TLK2: variants seen among roughly 807,000 people sequenced by gnomAD.
TLK2 encodes serine/threonine-protein kinase tousled-like 2.
Under a neutral mutation model 117.3 loss-of-function variants are expected in TLK2, and 6 were observed. That is an observed-to-expected ratio of 0.05 (90% CI 0.03 to 0.10). TLK2 has a LOEUF of 0.10. TLK2 is among the 10% of genes least tolerant of loss of function. TLK2 has a pLI of 1.00. For missense variants in TLK2, 299 were observed against 901.2 expected (o/e 0.33, Z 8.56); for synonymous variants, 257 against 316.7 (o/e 0.81, Z 2.00).
At chr17:62,474,240 G>A (rs1205762051), upstream of TLK2, among the ~76,000 whole-genome samples, 1 of 151,214 alleles carries the variant, frequency 6.6e-6, no homozygotes, top group Non-Finnish European at 1.5e-5. Flanking sequence ...TGCCTTGCCC[G>A]GCTAATTTTT....
At chr17:62,509,029 A>T (rs2074943658) in intron 2 of TLK2, among the ~76,000 whole-genome samples, 1 of 152,240 alleles carries the variant, frequency 6.6e-6, no homozygotes, top group South Asian at 2.1e-4. Context: ...TGAGGCGATT[A>T]TAAAACTACT....
intron 3 of TLK2, 121 bp from the exon 4 acceptor site, chr17:62,522,083 C>T: frequency 9.9e-7 from 1 of 1,005,026 alleles, no homozygotes. Flanking sequence ...GACAGTGATT[C>T]AGGACTTGTC....
Position 62,578,545 on chromosome 17 carries a change from A to G in TLK2, c.1257A>G (p.Leu419=), listed in dbSNP as rs1457324291. ...ERVRNLHIRE[L]KRIHNEDNSQ... is the part of the protein sequence containing the mutation. ...TTAGAAATCTACATATCAGGGAACT[A>G]AAAAGGATACATAATGAAGATAATT... Residue 419 remains leucine (L), a synonymous_variant, in exon 14 of 22, where the codon CTA becomes CTG. Transcript: ENST00000346027. 1 of 1,613,690 alleles carries G rather than the reference A, an allele frequency of 6.2e-7. No individual in the cohort carries two copies. Among genetic ancestry groups the G allele is most frequent in the South Asian group, 1.1e-5 (1 of 91,082 alleles).
chr17:62,593,896 G>A (rs1239603540), intron 16 of TLK2, among the ~76,000 whole-genome samples: 6 of 150,260 alleles, frequency 4.0e-5, no homozygotes, highest in Non-Finnish European at 7.4e-5. Context: ...GGGTTCAAGC[G>A]TCTCTCCTGC....
chr17:62,478,339 G>A (rs1211471024), upstream of TLK2, among the ~76,000 whole-genome samples: 1 of 151,328 alleles, frequency 6.6e-6, no homozygotes, highest in Admixed American at 6.6e-5. Context: ...GGGGTTGGGC[G>A]GGCGCGGGGG....
chr17:62,529,249 T>A (rs1164450888), intron 6 of TLK2, among the ~76,000 whole-genome samples: 1 of 152,224 alleles, frequency 6.6e-6, no homozygotes, highest in Non-Finnish European at 1.5e-5. Flanking sequence ...TTTTAATTTT[T>A]ATTTTTGAGA....
intron 2 of TLK2, among the ~76,000 whole-genome samples, chr17:62,501,024 G>T (rs1380290178): frequency 6.6e-6 from 1 of 151,802 alleles, no homozygotes; most frequent in Non-Finnish European, 1.5e-5. Context: ...GGATCACGAG[G>T]TCAGGAGATC....
intron 15 of TLK2, among the ~76,000 whole-genome samples, chr17:62,583,267 G>C (rs530698775): frequency 6.6e-6 from 1 of 151,940 alleles, no homozygotes; most frequent in East Asian, 1.9e-4. Context: ...TATTTTTTTT[G>C]TATTTTTAGT....
chr17:62,591,582 T>G (rs2082088188), intron 16 of TLK2, among the ~76,000 whole-genome samples: 1 of 152,056 alleles, frequency 6.6e-6, no homozygotes, highest in African/African-American at 2.4e-5. Flanking sequence ...TGGCAAGTCG[T>G]TTTTTGGAAA....
At chr17:62,483,447 T>G (rs1454935040) in intron 2 of TLK2, among the ~76,000 whole-genome samples, 1 of 152,252 alleles carries the variant, frequency 6.6e-6, no homozygotes, top group Non-Finnish European at 1.5e-5. Flanking sequence ...AATAGGAAAT[T>G]CTACCTTTAA....
chr17:62,593,818 A>T (rs1449336047), intron 16 of TLK2, among the ~76,000 whole-genome samples: 4 of 131,060 alleles, frequency 3.1e-5, no homozygotes, highest in Non-Finnish European at 4.7e-5. Context: ...TTTGAGATGG[A>T]GTCTCACTCT....
chr17:62,603,615 G>T (rs573985473), intron 19 of TLK2, among the ~76,000 whole-genome samples: 102 of 152,112 alleles, frequency 6.7e-4, no homozygotes, highest in Non-Finnish European at 1.2e-3. Flanking sequence ...TAGAATTTAA[G>T]TAAAAATTAT....
chr17:62,480,122 A>G (rs2071452131), intron 1 of TLK2, among the ~76,000 whole-genome samples: 1 of 152,260 alleles, frequency 6.6e-6, no homozygotes, highest in Non-Finnish European at 1.5e-5. Context: ...AAGGACTTGT[A>G]AGGGGGTTGT....
chr17:62,579,294 G>T (rs555747525), intron 14 of TLK2, among the ~76,000 whole-genome samples: 1 of 152,134 alleles, frequency 6.6e-6, no homozygotes, highest in Admixed American at 6.5e-5. Context: ...CATTTAATCC[G>T]CAGGATAACC....
At chr17:62,471,916 T>C (rs1244232567) in intron 1 of TLK2, among the ~76,000 whole-genome samples, 1 of 140,642 alleles carries the variant, frequency 7.1e-6, no homozygotes, top group Non-Finnish European at 1.5e-5. Flanking sequence ...TTTTTTTTTT[T>C]TAGACAGAGT....
chr17:62,535,784 AG>A (rs1018531179), intron 6 of TLK2, among the ~76,000 whole-genome samples: 1 of 145,478 alleles, frequency 6.9e-6, no homozygotes, highest in Non-Finnish European at 1.6e-5. Flanking sequence ...CAAAAAAAAA[AG>A]AAAAAAGAAA....
chr17:62,530,549 T>C (rs1045007845), intron 6 of TLK2, among the ~76,000 whole-genome samples: 10 of 152,160 alleles, frequency 6.6e-5, no homozygotes, highest in Non-Finnish European at 1.5e-4. Flanking sequence ...CTCTACCAAA[T>C]AAAATAATGT....
intron 6 of TLK2, among the ~76,000 whole-genome samples, chr17:62,532,224 GT>G (rs895847530): frequency 2.6e-5 from 4 of 151,684 alleles, no homozygotes; most frequent in African/African-American, 9.7e-5. Flanking sequence ...TATCTGTATA[GT>G]TTTTTTCCCC....
intron 6 of TLK2, among the ~76,000 whole-genome samples, chr17:62,529,109 G>A (rs1354025021): frequency 6.6e-6 from 1 of 152,148 alleles, no homozygotes; most frequent in Non-Finnish European, 1.5e-5. Flanking sequence ...ATTATTAAGA[G>A]CGGTGTGTAT....
Sources: gnomAD v4.1 joint callset for allele counts (sites outside exome capture counted in the v4.1 genomes callset) on GRCh38, gnomAD v4.1.1 for gene constraint, MANE v1.5 for transcripts, NCBI Gene and HGNC (gene_info 2026-07-23, HGNC 2026-07-21) for gene names.